DYNC1I1: variants seen among roughly 807,000 people sequenced by gnomAD.
DYNC1I1 encodes dynein cytoplasmic 1 intermediate chain 1.
DYNC1I1 carries 43 observed loss-of-function variants against 86.6 expected under a neutral mutation model. That is an observed-to-expected ratio of 0.50 (90% CI 0.39 to 0.64). The LOEUF (loss-of-function observed/expected upper bound fraction) is 0.64. Ranked by LOEUF, DYNC1I1 falls within the 30% of genes least tolerant of loss-of-function variation. DYNC1I1 has a pLI of 0.00. For missense variants in DYNC1I1, 604 were observed against 788.8 expected, an observed-to-expected ratio of 0.77 and a Z score of 2.81; for synonymous variants, 262 against 283.7, an observed-to-expected ratio of 0.92 and a Z score of 0.77.
At chr7:95,778,772 C>T (rs1274588270) in intron 1 of DYNC1I1, among the ~76,000 whole-genome samples, 1 of 152,032 alleles carries the variant, frequency 6.6e-6, no homozygotes, top group Non-Finnish European at 1.5e-5. Flanking sequence ...GCAGTTCTCC[C>T]AACTCATCCT....
chr7:95,785,955 C>A (rs1007758570), intron 1 of DYNC1I1, among the ~76,000 whole-genome samples: 3 of 151,602 alleles, frequency 2.0e-5, no homozygotes, highest in African/African-American at 7.3e-5. Flanking sequence ...TAATTTCTCA[C>A]TCATTCTATA....
chr7:95,796,563 T>C (rs975051205), intron 1 of DYNC1I1, among the ~76,000 whole-genome samples: 3 of 152,160 alleles, frequency 2.0e-5, no homozygotes, highest in African/African-American at 7.2e-5. Flanking sequence ...TCCCAGGTAT[T>C]TTTAAATCAT....
intron 14 of DYNC1I1, among the ~76,000 whole-genome samples, chr7:96,075,760 T>C (rs1790314111): frequency 6.6e-6 from 1 of 152,176 alleles, no homozygotes; most frequent in African/African-American, 2.4e-5. Flanking sequence ...AATTCCGAAC[T>C]AATGGAAAGT....
chr7:96,021,293 G>C (rs1794543372), intron 10 of DYNC1I1, among the ~76,000 whole-genome samples: 1 of 152,136 alleles, frequency 6.6e-6, no homozygotes, highest in African/African-American at 2.4e-5. Flanking sequence ...AGAGCAGAAA[G>C]TCAGTTCTTG....
At position 95,938,463 on chromosome 7, in the gene DYNC1I1, T is replaced by C. The variant is rs116077653; in HGVS notation, c.491-39049T>C. ...GAAGGTGTTAACCTGTTAGGGAAAATGCAGGATAATCACATATGGCATTTT... is the reference window on the plus strand; with the variant it reads ...GAAGGTGTTAACCTGTTAGGGAAAACGCAGGATAATCACATATGGCATTTT... On this transcript the variant is annotated intron_variant, in intron 6 of 16. Transcript: ENST00000447467. Among the ~76,000 whole-genome samples the C allele has an allele frequency of 6.7e-3, 1,018 of 152,246 alleles. 15 individuals carry two copies. Among genetic ancestry groups the C allele is most frequent in the African/African-American group, 0.023 (943 of 41,560 alleles).
intron 6 of DYNC1I1, among the ~76,000 whole-genome samples, chr7:95,957,622 C>T (rs1792752124): frequency 6.6e-6 from 1 of 152,160 alleles, no homozygotes; most frequent in African/African-American, 2.4e-5. Context: ...TCTTGCAGCC[C>T]ATGATCTTGC....
chr7:95,886,008 CTG>C (rs1422177892), intron 6 of DYNC1I1, among the ~76,000 whole-genome samples: 6 of 152,208 alleles, frequency 3.9e-5, no homozygotes, highest in Non-Finnish European at 7.3e-5. Context: ...CTGGGTAACA[CTG>C]TTTAATAATA....
chr7:95,905,415 C>G (rs1326869735), intron 6 of DYNC1I1, among the ~76,000 whole-genome samples: 1 of 152,134 alleles, frequency 6.6e-6, no homozygotes, highest in Non-Finnish European at 1.5e-5. Flanking sequence ...AGGTTCTATA[C>G]TTGGAGTTGT....
chr7:95,945,579 A>T (rs1469563540), intron 6 of DYNC1I1, among the ~76,000 whole-genome samples: 1 of 151,972 alleles, frequency 6.6e-6, no homozygotes, highest in Admixed American at 6.6e-5. Context: ...CTTTGTTTAT[A>T]AAAAAAAGTG....
At chr7:96,075,291 C>T (rs1318359168) in intron 14 of DYNC1I1, among the ~76,000 whole-genome samples, 2 of 151,216 alleles carry the variant, frequency 1.3e-5, no homozygotes, top group Non-Finnish European at 2.9e-5. Context: ...AACGCATTTC[C>T]ACACACACAC....
At chr7:96,089,737 T>C (rs1292740751) in intron 16 of DYNC1I1, among the ~76,000 whole-genome samples, 3 of 152,148 alleles carry the variant, frequency 2.0e-5, no homozygotes, top group Admixed American at 6.6e-5. Context: ...AACTGCGTTA[T>C]AAAAATACCT....
rs569072182 is a variant in DYNC1I1 at position 95,826,858 on chromosome 7, A to G, written c.315-1199A>G. Among the ~76,000 whole-genome samples, 172 of 152,330 alleles carry G rather than the reference A, an allele frequency of 1.1e-3. 1 individual carries two copies. Among genetic ancestry groups the G allele is most frequent in the Admixed American group, 2.7e-3 (41 of 15,300 alleles). On this transcript the variant is annotated intron_variant, in intron 4 of 16. Transcript: ENST00000447467. ...ACATTAAGGAGTATGCAGAGTTGAC[A>G]TGTGAGTGAATGAATGGTTAGAGAG...
intron 10 of DYNC1I1, among the ~76,000 whole-genome samples, chr7:96,014,477 C>T (rs1794355631): frequency 6.6e-6 from 1 of 152,110 alleles, no homozygotes; most frequent in Admixed American, 6.6e-5. Context: ...TGTAAAGAAA[C>T]CCTTTGGAAA....
At chr7:95,852,072 A>G (rs1789594331) in intron 5 of DYNC1I1, among the ~76,000 whole-genome samples, 1 of 152,214 alleles carries the variant, frequency 6.6e-6, no homozygotes, top group Non-Finnish European at 1.5e-5. Flanking sequence ...GCAACAGAGA[A>G]AAAATTGCTA....
intron 5 of DYNC1I1, among the ~76,000 whole-genome samples, chr7:95,846,353 C>A (rs780531014): frequency 2.0e-5 from 3 of 152,148 alleles, no homozygotes; most frequent in Non-Finnish European, 4.4e-5. Context: ...AAATTCAAAG[C>A]TAACCCTTTG....
chr7:96,079,984 C>G (rs758136354), intron 15 of DYNC1I1, among the ~76,000 whole-genome samples: 19 of 152,050 alleles, frequency 1.2e-4, no homozygotes, highest in Non-Finnish European at 2.4e-4. Flanking sequence ...TTGGTAAATC[C>G]TGAGATCTGT....
intron 2 of DYNC1I1, among the ~76,000 whole-genome samples, chr7:95,809,517 A>G (rs1354529062): frequency 6.6e-6 from 1 of 152,184 alleles, no homozygotes; most frequent in Non-Finnish European, 1.5e-5. Context: ...TGTGGGGCAA[A>G]TAACTTATCT....
chr7:95,803,372 G>T (rs937406015), intron 1 of DYNC1I1, among the ~76,000 whole-genome samples: 2 of 152,234 alleles, frequency 1.3e-5, no homozygotes, highest in African/African-American at 4.8e-5. Context: ...GCCTAGCACA[G>T]ATTAAATACA....
At chr7:95,884,449 C>A (rs1483113344) in intron 6 of DYNC1I1, among the ~76,000 whole-genome samples, 1 of 151,212 alleles carries the variant, frequency 6.6e-6, no homozygotes, top group Non-Finnish European at 1.5e-5. Context: ...GTTGCCCAGA[C>A]TGGAGTCCAG....
Sources: allele counts gnomAD v4.1 joint callset (sites outside exome capture counted in the v4.1 genomes callset), GRCh38; gene constraint gnomAD v4.1.1; transcripts MANE v1.5; gene names NCBI Gene and HGNC (gene_info 2026-07-23, HGNC 2026-07-21).